Variants in FOXN3 observed in about 807,000 individuals in gnomAD.
The protein encoded by FOXN3 is forkhead box protein N3.
Under a neutral mutation model 38.4 loss-of-function variants are expected in FOXN3, and 7 were observed. That is an observed-to-expected ratio of 0.18 (90% CI 0.10 to 0.34). The LOEUF (loss-of-function observed/expected upper bound fraction) is 0.34. Ranked by LOEUF, FOXN3 falls within the 10% of genes least tolerant of loss-of-function variation. The pLI, the probability that FOXN3 is intolerant of heterozygous loss-of-function variation, is 1.00. For missense variants in FOXN3, 456 were observed against 613.4 expected (o/e 0.74, Z 2.71); for synonymous variants, 230 against 242.2 (o/e 0.95, Z 0.47).
intron 3 of FOXN3, among the ~76,000 whole-genome samples, chr14:89,300,181 T>C (rs1332603765): frequency 6.7e-5 from 3 of 45,098 alleles, no homozygotes; most frequent in African/African-American, 4.1e-4. Flanking sequence ...AGAAATGTAC[T>C]TTTTTTTTTT....
intron 5 of FOXN3, among the ~76,000 whole-genome samples, chr14:89,173,979 C>A (rs1415354994): frequency 6.6e-6 from 1 of 152,010 alleles, no homozygotes; most frequent in East Asian, 1.9e-4. Context: ...GGTGACAAAG[C>A]GAGACCCTGT....
intron 4 of FOXN3, among the ~76,000 whole-genome samples, chr14:89,239,924 C>T (rs940951513): frequency 6.6e-6 from 1 of 152,186 alleles, no homozygotes; most frequent in East Asian, 1.9e-4. Context: ...AGGGTCTGCA[C>T]CCAAGTTTAT....
chr14:89,400,557 GC>G (rs1246593230), intron 2 of FOXN3, among the ~76,000 whole-genome samples: 1 of 152,072 alleles, frequency 6.6e-6, no homozygotes, highest in Non-Finnish European at 1.5e-5. Context: ...CCCAACCCTG[GC>G]TCAAGCTAGC....
In FOXN3 at chr14:89,354,386, C is replaced by T. The variant is rs767352103; in HGVS notation, c.544-3578G>A. ...GATTACAGGCACCCGCCACCACGCCCGGCTAATTTCTGTACTTTTAGGAGA... is the reference window on the plus strand; with the variant it reads ...GATTACAGGCACCCGCCACCACGCCTGGCTAATTTCTGTACTTTTAGGAGA... On this transcript the variant is annotated intron_variant, in intron 2 of 5. Transcript: ENST00000557258. Among the ~76,000 whole-genome samples the T allele has an allele frequency of 5.3e-5, 8 of 150,800 alleles. No homozygotes were observed. In the East Asian group the frequency reaches 6.0e-4, roughly 11 times the overall value.
chr14:89,325,294 A>ACC (rs1225955879), intron 3 of FOXN3, among the ~76,000 whole-genome samples: 4 of 136,784 alleles, frequency 2.9e-5, no homozygotes, highest in African/African-American at 1.1e-4. Context: ...CAACACCACC[A>ACC]ACACCAACAC....
intron 3 of FOXN3, among the ~76,000 whole-genome samples, chr14:89,333,992 ATATATATATATATAT>A (rs1888353421): frequency 2.3e-5 from 1 of 44,206 alleles, no homozygotes; most frequent in Non-Finnish European, 5.5e-5. Flanking sequence ...ATATATATAT[ATATATATATATATAT>A]ATGTATATAA....
chr14:89,449,816 T>C (rs1199460808), intron 1 of FOXN3, among the ~76,000 whole-genome samples: 7 of 152,114 alleles, frequency 4.6e-5, no homozygotes, highest in Non-Finnish European at 1.0e-4. Context: ...GAGTTTTCCA[T>C]CAGGCAGCCT....
At chr14:89,303,458 A>C (rs190526229) in intron 3 of FOXN3, among the ~76,000 whole-genome samples, 1 of 150,964 alleles carries the variant, frequency 6.6e-6, no homozygotes, top group East Asian at 2.0e-4. Context: ...TCATGTCCCC[A>C]GGAGCTGGCA....
At chr14:89,392,338 C>T (rs1890970478) in intron 2 of FOXN3, among the ~76,000 whole-genome samples, 2 of 152,292 alleles carry the variant, frequency 1.3e-5, no homozygotes, top group Non-Finnish European at 1.5e-5. Context: ...GGCAGAAACT[C>T]ATAACTCACT....
chr14:89,451,222 A>G (rs908636142), intron 1 of FOXN3, among the ~76,000 whole-genome samples: 2 of 152,214 alleles, frequency 1.3e-5, no homozygotes, highest in African/African-American at 4.8e-5. Context: ...TACTGATGTA[A>G]GGACACAGAT....
intron 1 of FOXN3, among the ~76,000 whole-genome samples, chr14:89,584,330 G>A (rs1895803974): frequency 6.6e-6 from 1 of 152,112 alleles, no homozygotes; most frequent in African/African-American, 2.4e-5. Flanking sequence ...GAGCCTGGGA[G>A]GCGGAGGTTG....
intron 4 of FOXN3, among the ~76,000 whole-genome samples, chr14:89,237,299 C>A (rs55738168): frequency 0.17 from 26,074 of 152,166 alleles, 2,329 homozygotes; most frequent in East Asian, 0.31. Flanking sequence ...TCATTAAATA[C>A]CTTCAGAATG....
At chr14:89,476,139 T>C (rs1385005187) in intron 1 of FOXN3, among the ~76,000 whole-genome samples, 2 of 152,170 alleles carry the variant, frequency 1.3e-5, no homozygotes, top group Non-Finnish European at 2.9e-5. Context: ...TCTCGGATGT[T>C]TGCATGTCAC....
At chr14:89,607,253 C>T (rs1236070392) in intron 1 of FOXN3, among the ~76,000 whole-genome samples, 1 of 152,138 alleles carries the variant, frequency 6.6e-6, no homozygotes, top group Non-Finnish European at 1.5e-5. Context: ...TTAAAGACCA[C>T]CAAGTGGCTA....
chr14:89,432,808 T>C (rs1426455189), intron 1 of FOXN3, among the ~76,000 whole-genome samples: 3 of 152,040 alleles, frequency 2.0e-5, no homozygotes, highest in Non-Finnish European at 4.4e-5. Context: ...GTGGCATTGG[T>C]TTGGTTTGAG....
At chr14:89,235,408 C>G (rs1475883899) in intron 4 of FOXN3, among the ~76,000 whole-genome samples, 1 of 152,072 alleles carries the variant, frequency 6.6e-6, no homozygotes, top group Non-Finnish European at 1.5e-5. Flanking sequence ...CAATCAGCAC[C>G]AGCGGCTCTT....
intron 2 of FOXN3, among the ~76,000 whole-genome samples, chr14:89,386,916 G>A (rs913235445): frequency 2.0e-5 from 3 of 152,134 alleles, no homozygotes; most frequent in African/African-American, 4.8e-5. Context: ...CATCCGTATG[G>A]TCTCAACCTT....
chr14:89,346,346 C>T (rs1490508270), intron 3 of FOXN3, among the ~76,000 whole-genome samples: 1 of 152,204 alleles, frequency 6.6e-6, no homozygotes, highest in Non-Finnish European at 1.5e-5. Context: ...CCATCCAGGA[C>T]ATCATAGGAC....
intron 1 of FOXN3, among the ~76,000 whole-genome samples, chr14:89,613,095 C>T (rs530887978): frequency 7.3e-5 from 9 of 123,976 alleles, no homozygotes; most frequent in East Asian, 4.6e-4. Flanking sequence ...CCTGCCTGGG[C>T]GACAGAGCAA....
Sources: gnomAD v4.1 joint callset for allele counts (sites outside exome capture counted in the v4.1 genomes callset) on GRCh38, gnomAD v4.1.1 for gene constraint, MANE v1.5 for transcripts, NCBI Gene and HGNC (gene_info 2026-07-23, HGNC 2026-07-21) for gene names.